Variants in AKAP13 observed in about 807,000 individuals in gnomAD.
AKAP13 encodes the protein A-kinase anchor protein 13.
In AKAP13, 80 loss-of-function variants were observed where a neutral mutation model predicts 264.5. The ratio of observed to expected loss-of-function variants is 0.30; its 90% CI spans 0.25 to 0.36. The LOEUF (loss-of-function observed/expected upper bound fraction) is 0.36. AKAP13 is among the 10% of genes least tolerant of loss of function. The probability of loss-of-function intolerance (pLI) is 1.00; values close to 1 mark genes in which losing one functional copy is unlikely to be tolerated. For synonymous variants in AKAP13, 1,380 were observed against 1,250.2 expected (o/e 1.10, Z -2.19); for missense variants, 3,712 against 3,435.2 (o/e 1.08, Z -2.01).
chr15:85,735,169 T>G lies in AKAP13; in HGVS notation c.7441+19T>G. On this transcript the variant is annotated intron_variant, in intron 31 of 36. Transcript: ENST00000394518. ...TCAAAAGGTAAATGATGTGAAGTCATGAGCTTTTATAGGCAATCCTTGACT... is the reference window on the plus strand; with the variant it reads ...TCAAAAGGTAAATGATGTGAAGTCAGGAGCTTTTATAGGCAATCCTTGACT... The G allele has an allele frequency of 1.2e-6, 2 of 1,610,210 alleles. No homozygotes were observed. Among genetic ancestry groups the G allele is most frequent in the Non-Finnish European group, 1.7e-6 (2 of 1,177,968 alleles).
chr15:85,482,544 G>A (rs2075383569), intron 1 of AKAP13, among the ~76,000 whole-genome samples: 1 of 152,134 alleles, frequency 6.6e-6, no homozygotes, highest in African/African-American at 2.4e-5. Context: ...TCGAGGTATA[G>A]GGCAAGTCAG....
chr15:85,434,295 T>G (rs2073165202), intron 1 of AKAP13, among the ~76,000 whole-genome samples: 1 of 152,260 alleles, frequency 6.6e-6, no homozygotes, highest in Non-Finnish European at 1.5e-5. Context: ...CGAGATTATA[T>G]CCCACACCTG....
At chr15:85,602,962 CTT>C (rs1216274564) in intron 8 of AKAP13, among the ~76,000 whole-genome samples, 3 of 152,160 alleles carry the variant, frequency 2.0e-5, no homozygotes, top group African/African-American at 7.2e-5. Context: ...TCAGAAATGT[CTT>C]TAAGTATTTG....
chr15:85,707,937 G>A, intron 17 of AKAP13, 82 bp from the exon 18 acceptor site: 1 of 1,382,616 alleles, frequency 7.2e-7, no homozygotes, highest in South Asian at 1.2e-5. Context: ...AAATTCAGAG[G>A]CCACTTGTGG....
intron 5 of AKAP13, among the ~76,000 whole-genome samples, chr15:85,551,034 T>C (rs545250968): frequency 2.0e-5 from 3 of 152,326 alleles, no homozygotes; most frequent in Admixed American, 1.3e-4. Flanking sequence ...AGTTAGTCGC[T>C]CTTTTCACAA....
intron 1 of AKAP13, among the ~76,000 whole-genome samples, chr15:85,416,547 T>C (rs1686029728): frequency 6.6e-6 from 1 of 152,176 alleles, no homozygotes; most frequent in Non-Finnish European, 1.5e-5. Flanking sequence ...GGTCAATGAG[T>C]ATGTCTCAGG....
intron 2 of AKAP13, among the ~76,000 whole-genome samples, chr15:85,495,152 G>C (rs1413584699): frequency 6.6e-6 from 1 of 152,200 alleles, no homozygotes; most frequent in East Asian, 1.9e-4. Flanking sequence ...TCCTCAAGAG[G>C]ATGGTTACAC....
At chr15:85,655,223 CTG>C (rs1178391492) in intron 10 of AKAP13, among the ~76,000 whole-genome samples, 192 bp from the exon 11 acceptor site, 2 of 152,082 alleles carry the variant, frequency 1.3e-5, no homozygotes, top group Non-Finnish European at 2.9e-5. Context: ...TAGATCTAGA[CTG>C]TTTCTCTTCT....
intron 3 of AKAP13, among the ~76,000 whole-genome samples, chr15:85,522,515 G>T (rs1286763007): frequency 6.6e-6 from 1 of 152,098 alleles, no homozygotes; most frequent in Non-Finnish European, 1.5e-5. Flanking sequence ...CCTTAAATTA[G>T]GATGGGCAGC....
In AKAP13 at chr15:85,684,748, G is replaced by A; in HGVS notation, c.5164G>A (p.Glu1722Lys). Residue 1722 changes from glutamate to lysine, a missense_variant, in exon 16 of 37, where the codon GAA (glutamate) becomes AAA (lysine). Around this residue, in one of 3 missense-constraint regions of AKAP13, gnomAD observed 2,759 missense variants for 2,411.7 expected, o/e 1.14. Transcript: ENST00000394518. ...CTTCTTGTTTTTATTTAGTATAACAGAAGAGAACTATAATTTCCTGCCACA... is the reference window on the plus strand; with the variant it reads ...CTTCTTGTTTTTATTTAGTATAACAAAAGAGAACTATAATTTCCTGCCACA... The part of the protein sequence containing the change: ...TSANLTESIT[E>K]ENYNFLPHSP... 1 of 1,611,660 alleles carries A rather than the reference G, an allele frequency of 6.2e-7. No individual in the cohort carries two copies.
At chr15:85,447,534 A>C (rs1336722718) in intron 1 of AKAP13, among the ~76,000 whole-genome samples, 2 of 150,228 alleles carry the variant, frequency 1.3e-5, no homozygotes, top group Admixed American at 1.3e-4. Context: ...CCCCACCCCC[A>C]AATAGACCCC....
chr15:85,663,712 G>T (rs974935338), intron 12 of AKAP13, among the ~76,000 whole-genome samples: 14 of 152,182 alleles, frequency 9.2e-5, no homozygotes, highest in African/African-American at 3.4e-4. Context: ...TAACAGATGT[G>T]AATTACTCTA....
chr15:85,611,861 G>C (rs1468152552), intron 8 of AKAP13, among the ~76,000 whole-genome samples: 1 of 151,876 alleles, frequency 6.6e-6, no homozygotes, highest in Non-Finnish European at 1.5e-5. Flanking sequence ...AGCTTTCCTT[G>C]CCTGCCTCCC....
At chr15:85,693,630 A>G (rs1567198920) in intron 17 of AKAP13, among the ~76,000 whole-genome samples, 179 bp downstream of exon 17, 1 of 152,242 alleles carries the variant, frequency 6.6e-6, no homozygotes, top group Admixed American at 6.5e-5. Context: ...CATACAGCCT[A>G]TATTTTTTTC....
intron 1 of AKAP13, among the ~76,000 whole-genome samples, chr15:85,465,350 A>C (rs956533007): frequency 6.6e-6 from 1 of 152,042 alleles, no homozygotes; most frequent in Non-Finnish European, 1.5e-5. Flanking sequence ...ATTTTTAAAA[A>C]AAATTTTATT....
At chr15:85,393,247 G>T (rs1164780146) in intron 1 of AKAP13, among the ~76,000 whole-genome samples, 1 of 152,230 alleles carries the variant, frequency 6.6e-6, no homozygotes, top group African/African-American at 2.4e-5. Flanking sequence ...ACACAGAGCG[G>T]CTGGGCTCAG....
intron 2 of AKAP13, among the ~76,000 whole-genome samples, chr15:85,516,801 G>A (rs28692990): frequency 6.6e-6 from 1 of 152,160 alleles, no homozygotes; most frequent in Admixed American, 6.6e-5. Context: ...ACCACATTAC[G>A]AATACAGATT....
At chr15:85,633,408 A>C (rs149325043) in intron 8 of AKAP13, among the ~76,000 whole-genome samples, 1 of 151,526 alleles carries the variant, frequency 6.6e-6, no homozygotes, top group Non-Finnish European at 1.5e-5. Flanking sequence ...TTAAAAGTGT[A>C]GTTTTGTATT....
intron 8 of AKAP13, 32 bp downstream of exon 8, chr15:85,585,855 A>AC (rs766927329): frequency 6.2e-7 from 1 of 1,610,712 alleles, no homozygotes; most frequent in Non-Finnish European, 8.5e-7. Context: ...ATAAGGGCAC[A>AC]AAATGTGTTT....
Sources: gnomAD v4.1 joint callset for allele counts (sites outside exome capture counted in the v4.1 genomes callset) on GRCh38, gnomAD v4.1.1 for gene constraint, gnomAD v4.1.1 regional missense constraint, MANE v1.5 for transcripts, NCBI Gene and HGNC (gene_info 2026-07-23, HGNC 2026-07-21) for gene names.